Variants in SLC10A7 observed in about 807,000 individuals in gnomAD.
SLC10A7 encodes solute carrier family 10 member 7.
Under a neutral mutation model 43.2 loss-of-function variants are expected in SLC10A7, and 29 were observed. The ratio of observed to expected loss-of-function variants is 0.67; its 90% CI spans 0.50 to 0.92. The LOEUF (loss-of-function observed/expected upper bound fraction) is 0.92, where lower values mean the gene tolerates loss of function less well. Among genes scored for constraint, SLC10A7 ranks in the 40% least tolerant of loss-of-function variants. The probability of loss-of-function intolerance (pLI) is 0.00; values close to 1 mark genes in which losing one functional copy is unlikely to be tolerated. For synonymous variants in SLC10A7, 152 were observed against 144.8 expected (o/e 1.05, Z -0.35); for missense variants, 295 against 403.2 (o/e 0.73, Z 2.30).
Position 146,516,965 on chromosome 4 carries a change from G to A in SLC10A7, c.183+73C>T, listed in dbSNP as rs538864975. On this transcript the variant is annotated intron_variant, in intron 2 of 11. Transcript: ENST00000335472. Reference sequence around the variant, plus strand: ...TATAGCTATAAACAGCTTTACCAAAGGACTCTTAAATTTAAGTAAGTACAA... The same window carrying A: ...TATAGCTATAAACAGCTTTACCAAAAGACTCTTAAATTTAAGTAAGTACAA... 1.5e-5 allele frequency: 17 copies of A among 1,161,604 alleles called. No individual in the cohort carries two copies. In the African/African-American group the frequency reaches 2.6e-4, roughly 18 times the overall value. 72.0% of individuals were successfully genotyped at this position (1,161,604 alleles called of 1,614,324 possible).
chr4:146,310,524 T>C (rs1417225059), intron 6 of SLC10A7, among the ~76,000 whole-genome samples: 3 of 152,114 alleles, frequency 2.0e-5, no homozygotes, highest in Non-Finnish European at 4.4e-5. Context: ...TTCTGACTGG[T>C]GTAAGATGGT....
At chr4:146,342,303 A>T (rs1366998271) in intron 5 of SLC10A7, among the ~76,000 whole-genome samples, 3 of 151,790 alleles carry the variant, frequency 2.0e-5, no homozygotes, top group Admixed American at 2.0e-4. Context: ...AAAAGTGATT[A>T]TACAGTTTTA....
intron 7 of SLC10A7, among the ~76,000 whole-genome samples, chr4:146,305,382 A>C (rs1731485195): frequency 6.9e-6 from 1 of 144,128 alleles, no homozygotes; most frequent in Admixed American, 7.3e-5. Context: ...CAATGAGATC[A>C]CATGGACACA....
At chr4:146,514,849 C>T (rs1302035328) in intron 2 of SLC10A7, 2 of 379,458 alleles carry the variant, frequency 5.3e-6, no homozygotes, top group African/African-American at 2.1e-5. Context: ...TTTAATATTA[C>T]ACAATGATAC....
chr4:146,452,772 A>C (rs1731703814), intron 4 of SLC10A7, among the ~76,000 whole-genome samples: 1 of 152,004 alleles, frequency 6.6e-6, no homozygotes, highest in African/African-American at 2.4e-5. Flanking sequence ...TTAAGAGGGC[A>C]CTTTTAATGT....
At chr4:146,447,943 C>A (rs941308331) in intron 4 of SLC10A7, among the ~76,000 whole-genome samples, 4 of 150,902 alleles carry the variant, frequency 2.7e-5, no homozygotes, top group African/African-American at 9.7e-5. Flanking sequence ...AAAACCTAAT[C>A]ATTCTCAGCA....
intron 10 of SLC10A7, among the ~76,000 whole-genome samples, chr4:146,265,786 T>C (rs1030700535): frequency 6.6e-6 from 1 of 152,178 alleles, no homozygotes; most frequent in African/African-American, 2.4e-5. Context: ...CACATACTGC[T>C]CTGGGAGAGG....
chr4:146,258,954 A>G, intron 10 of SLC10A7, 117 bp from the exon 11 acceptor site: 2 of 1,150,644 alleles, frequency 1.7e-6, no homozygotes, highest in Non-Finnish European at 2.4e-6. Flanking sequence ...TCTCATGTTT[A>G]TTCACAGAAC....
At chr4:146,308,618 A>C (rs1731748681) in intron 6 of SLC10A7, among the ~76,000 whole-genome samples, 1 of 152,102 alleles carries the variant, frequency 6.6e-6, no homozygotes, top group African/African-American at 2.4e-5. Context: ...AAGCAGCAAT[A>C]ATTTGCAGGT....
chr4:146,457,849 T>C (rs1420368331), intron 4 of SLC10A7, among the ~76,000 whole-genome samples: 1 of 151,886 alleles, frequency 6.6e-6, no homozygotes, highest in Non-Finnish European at 1.5e-5. Context: ...TTAAAAACTT[T>C]CCCAAAATGC....
In SLC10A7 at chr4:146,294,004, G is replaced by T; in HGVS notation, c.647C>A (p.Thr216Lys). 6.2e-7 allele frequency: 1 copy of T among 1,613,490 alleles called. No individual in the cohort carries two copies. Among genetic ancestry groups the T allele is most frequent in the African/African-American group, 1.3e-5 (1 of 75,020 alleles). ...GTTAGAGAACGTGTCACAGAATGTT[G>T]TGTAGATGATCATGAGGAGTACACT... ...SSSVLLMIIY[T>K]TFCDTFSNPN... The change falls in exon 8 of 12, where the codon ACA becomes AAA. Residue 216 changes from threonine to lysine, a missense_variant. This residue lies in a region of SLC10A7 where 242 missense variants were observed against 362.5 expected (regional missense o/e 0.67). Transcript: ENST00000335472.
At chr4:146,403,741 T>A (rs550357593) in intron 5 of SLC10A7, among the ~76,000 whole-genome samples, 1 of 152,256 alleles carries the variant, frequency 6.6e-6, no homozygotes, top group Non-Finnish European at 1.5e-5. Context: ...ACGTTAAGTT[T>A]AAATCTTGAC....
At chr4:146,483,061 C>T (rs1194176230) in intron 4 of SLC10A7, among the ~76,000 whole-genome samples, 1 of 152,128 alleles carries the variant, frequency 6.6e-6, no homozygotes, top group Non-Finnish European at 1.5e-5. Context: ...TTCATTACCA[C>T]TAGGCCTGTC....
intron 2 of SLC10A7, among the ~76,000 whole-genome samples, chr4:146,513,683 G>A (rs542653788): frequency 5.3e-5 from 8 of 152,264 alleles, no homozygotes; most frequent in Non-Finnish European, 8.8e-5. Context: ...ATAGGGAAGC[G>A]CTTCTAAGAA....
intron 4 of SLC10A7, among the ~76,000 whole-genome samples, chr4:146,473,448 T>C (rs1019075766): frequency 2.6e-5 from 4 of 152,170 alleles, no homozygotes; most frequent in Non-Finnish European, 4.4e-5. Context: ...GAAGGGTATA[T>C]TCCACTGAAA....
At chr4:146,293,177 C>A (rs1730557706) in intron 8 of SLC10A7, among the ~76,000 whole-genome samples, 197 bp from the exon 9 acceptor site, 1 of 152,120 alleles carries the variant, frequency 6.6e-6, no homozygotes, top group Non-Finnish European at 1.5e-5. Context: ...TTGATGATAT[C>A]CCCAGAAACA....
intron 5 of SLC10A7, among the ~76,000 whole-genome samples, chr4:146,401,997 A>G (rs1579093763): frequency 1.3e-5 from 2 of 152,310 alleles, no homozygotes; most frequent in East Asian, 3.9e-4. Flanking sequence ...ACTACAAAAA[A>G]TGTACACATA....
rs17021544 is a variant in SLC10A7 at position 146,473,488 on chromosome 4, T to C, written c.396+30361A>G. On this transcript the variant is annotated intron_variant, in intron 4 of 11. Coordinates refer to ENST00000335472, the MANE Select transcript of SLC10A7 (RefSeq NM_001029998.6). ...CTATTTACCACGTTACATAAGATCA[T>C]CTTTAAAACACCTTAACAGATGTTT... 5.1e-3 allele frequency among the ~76,000 whole-genome samples: 778 copies of C among 152,308 alleles called. 7 individuals are homozygous for C. The highest frequency in any genetic ancestry group is 0.018 in the African/African-American group (743 of 41,574).
At chr4:146,450,220 A>G (rs1731462309) in intron 4 of SLC10A7, among the ~76,000 whole-genome samples, 1 of 152,198 alleles carries the variant, frequency 6.6e-6, no homozygotes, top group South Asian at 2.1e-4. Context: ...AGATGGTTGC[A>G]TCTGTACTGA....
Sources: allele counts gnomAD v4.1 joint callset (sites outside exome capture counted in the v4.1 genomes callset), GRCh38; gene constraint gnomAD v4.1.1; regional missense constraint gnomAD v4.1.1; transcripts MANE v1.5; gene names NCBI Gene and HGNC (gene_info 2026-07-23, HGNC 2026-07-21).